SERHL2: variants seen among roughly 807,000 people sequenced by gnomAD.
SERHL2 encodes the protein serine hydrolase-like protein 2.
A neutral mutation model predicts 25.5 loss-of-function variants in SERHL2; 29 were observed. That is an observed-to-expected ratio of 1.14 (90% CI 0.85 to 1.55). The LOEUF is 1.55. Ranked by LOEUF, SERHL2 falls within the 40% of genes most tolerant of loss-of-function variation. The pLI, the probability that SERHL2 is intolerant of heterozygous loss-of-function variation, is 0.00. For synonymous variants in SERHL2, 95 were observed against 103.5 expected (o/e 0.92, Z 0.50); for missense variants, 240 against 252.3 (o/e 0.95, Z 0.33).
At chr22:42,573,653 A>T (rs1306839884) in intron 11 of SERHL2, 2 of 429,134 alleles carry the variant, frequency 4.7e-6, no homozygotes, top group African/African-American at 4.0e-5. Context: ...TGATACAATC[A>T]CAGCAACCCT....
chr22:42,554,020 G>A lies in SERHL2; in HGVS notation c.-1G>A. 6.2e-7 allele frequency: 1 copy of A among 1,613,618 alleles called. No homozygotes were observed. Among genetic ancestry groups the A allele is most frequent in the Non-Finnish European group, 8.5e-7 (1 of 1,179,814 alleles). On this transcript the variant is annotated 5_prime_UTR_variant, in exon 1 of 12. Transcript: ENST00000327678. Reference sequence around the variant, plus strand: ...AGCAGCGCATTCGCGGGACGAGAGCGATGAGTGAGAACGCCGCACCAGGTC... The same window carrying A: ...AGCAGCGCATTCGCGGGACGAGAGCAATGAGTGAGAACGCCGCACCAGGTC...
rs1180611823 is a variant in SERHL2 at position 42,554,313 on chromosome 22, T to C, written c.22+271T>C. On this transcript the variant is annotated intron_variant, in intron 1 of 11. Coordinates refer to ENST00000327678, the MANE Select transcript of SERHL2 (RefSeq NM_014509.5). ...TCGGGGGTGCGCAAGTCTCCAGCCT[T>C]GCAGAGACGGAGGAGGCTGCCAGAT... 3.3e-5 allele frequency among the ~76,000 whole-genome samples: 5 copies of C among 151,664 alleles called. No homozygotes were observed. The South Asian group carries it at 6.3e-4, about 19-fold the overall frequency.
intron 11 of SERHL2, 162 bp from the exon 12 acceptor site, chr22:42,573,774 T>G: frequency 1.4e-6 from 1 of 736,890 alleles, no homozygotes; most frequent in Non-Finnish European, 2.3e-6. Context: ...TGCTATGGAC[T>G]GTCGGGGCTC....
rs75727575 is a variant in SERHL2 at position 42,560,183 on chromosome 22, C to T, written c.534-3C>T. 3.2e-3 allele frequency: 5,187 copies of T among 1,609,946 alleles called. 137 individuals are homozygous for T. The African/African-American group carries it at 0.058, about 18-fold the overall frequency. ...CACCCAGCATCCTTCTGTCTCCCCCCAGGTTACTGAAGAGCAATAGCCACT... is the reference window on the plus strand; with the variant it reads ...CACCCAGCATCCTTCTGTCTCCCCCTAGGTTACTGAAGAGCAATAGCCACT... On this transcript the variant is annotated splice_polypyrimidine_tract_variant and splice_region_variant and intron_variant, in intron 7 of 11. Coordinates refer to ENST00000327678, the MANE Select transcript of SERHL2 (RefSeq NM_014509.5).
At chr22:42,569,200 ATC>A (rs766392875) in intron 9 of SERHL2, 5 of 151,126 alleles carry the variant, frequency 3.3e-5, no homozygotes, top group East Asian at 3.9e-4. Flanking sequence ...CACGCTAATC[ATC>A]TCTTTGTTGT....
intron 8 of SERHL2, chr22:42,565,142 C>A (rs527815702): frequency 3.3e-5 from 5 of 153,124 alleles, no homozygotes; most frequent in African/African-American, 9.7e-5. Flanking sequence ...TACTCGTATA[C>A]CCTTGACCGA....
At position 42,553,993 on chromosome 22, in the gene SERHL2, ACAG is replaced by A; in HGVS notation, c.-23_-21del. ...CGACCTAGCCAGGCGTGAGGGAGTG[ACAG>A]CAGCGCATTCGCGGGACGAGAGCGA... On this transcript the variant is annotated 5_prime_UTR_variant, in exon 1 of 12. Coordinates refer to ENST00000327678, the MANE Select transcript of SERHL2 (RefSeq NM_014509.5). 1.2e-6 allele frequency: 2 copies of A among 1,613,222 alleles called. No homozygotes were observed. Among genetic ancestry groups the A allele is most frequent in the Non-Finnish European group, 1.7e-6 (2 of 1,179,542 alleles).
At chr22:42,573,777 C>A (rs576841288) in intron 11 of SERHL2, 159 bp from the exon 12 acceptor site, 1 of 749,504 alleles carries the variant, frequency 1.3e-6, no homozygotes, top group Non-Finnish European at 2.3e-6. Flanking sequence ...TATGGACTGT[C>A]GGGGCTCCAA....
In SERHL2 at chr22:42,572,428, C is replaced by T. The variant is rs745480230; in HGVS notation, c.732-8C>T. 7.5e-6 allele frequency: 12 copies of T among 1,603,232 alleles called. No individual in the cohort carries two copies. In the South Asian group the frequency reaches 1.2e-4, roughly 16 times the overall value. On this transcript the variant is annotated splice_polypyrimidine_tract_variant and splice_region_variant and intron_variant, in intron 10 of 11. Transcript: ENST00000327678. ...AACCCCAACAACCCCCAACTCCTCACTTTCCAGAGCAGTCCACGGATATTT... is the reference window on the plus strand; with the variant it reads ...AACCCCAACAACCCCCAACTCCTCATTTTCCAGAGCAGTCCACGGATATTT...
intron 9 of SERHL2, among the ~76,000 whole-genome samples, chr22:42,568,590 G>A (rs1923730563): frequency 1.3e-5 from 2 of 151,982 alleles, no homozygotes; most frequent in Admixed American, 6.6e-5. Context: ...GACTTCGTTA[G>A]GACATAAACT....
At chr22:42,566,444 G>A in intron 9 of SERHL2, 106 bp downstream of exon 9, 1 of 1,125,676 alleles carries the variant, frequency 8.9e-7, no homozygotes, top group Non-Finnish European at 1.3e-6. Flanking sequence ...TGTAATCCCA[G>A]CTACTCAGGA....
At chr22:42,567,753 A>G (rs1923609471) in intron 9 of SERHL2, among the ~76,000 whole-genome samples, 1 of 150,248 alleles carries the variant, frequency 6.7e-6, no homozygotes, top group African/African-American at 2.5e-5. Context: ...TTATTGATAC[A>G]GAGTCTCGCT....
chr22:42,573,707 A>C (rs1404405292), intron 11 of SERHL2: 3 of 570,634 alleles, frequency 5.3e-6, no homozygotes, highest in Admixed American at 3.0e-5. Context: ...TTCACAACTC[A>C]GCTGGCCTAG....
chr22:42,559,229 T>TAAAAAAAAAAAAAAAAAAA (rs1194822216), intron 7 of SERHL2, among the ~76,000 whole-genome samples: 4 of 69,314 alleles, frequency 5.8e-5, no homozygotes, highest in East Asian at 1.2e-3. Flanking sequence ...ACCCTGTATT[T>TAAAAAAAAAAAAAAAAAAA]AAAAAAAAAA....
At chr22:42,560,399 C>T (rs1051193658) in intron 8 of SERHL2, 134 bp downstream of exon 8, 2 of 674,520 alleles carry the variant, frequency 3.0e-6, no homozygotes, top group Non-Finnish European at 5.3e-6. Flanking sequence ...CCTCCTGCCT[C>T]ACCCTCATCC....
Position 42,556,699 on chromosome 22 carries a change from G to A in SERHL2, c.423+111G>A, listed in dbSNP as rs1181309998. ...ACTAGGGAAGCACGAGGAGGCGGCA[G>A]AGGGTGGGAAAGGGGAGTCAGGGAC... On this transcript the variant is annotated intron_variant, in intron 6 of 11. Transcript: ENST00000327678. The A allele has an allele frequency of 5.5e-6, 6 of 1,096,176 alleles. No homozygotes were observed. In the African/African-American group the frequency reaches 9.6e-5, roughly 17 times the overall value. 67.9% of individuals were successfully genotyped at this position (1,096,176 alleles called of 1,614,324 possible). A position where few individuals can be genotyped will look rare whatever the true frequency, so the allele number is the denominator to read the frequency against.
intron 8 of SERHL2, chr22:42,563,544 A>G: frequency 3.3e-6 from 1 of 306,936 alleles, no homozygotes; most frequent in Admixed American, 4.0e-5. Context: ...CTGGCCCCTG[A>G]AGCCCCGTGC....
intron 11 of SERHL2, chr22:42,572,775 G>C (rs956247622): frequency 3.0e-5 from 29 of 959,312 alleles, no homozygotes; most frequent in Middle Eastern, 5.3e-4. Flanking sequence ...AGCTACTCTC[G>C]TGCCTCAGCC....
intron 8 of SERHL2, among the ~76,000 whole-genome samples, chr22:42,562,785 C>CT (rs1171106791): frequency 6.6e-6 from 1 of 151,884 alleles, no homozygotes; most frequent in African/African-American, 2.4e-5. Flanking sequence ...ATCTTCTCAT[C>CT]TAAGTTTAAG....
Sources: allele counts gnomAD v4.1 joint callset (sites outside exome capture counted in the v4.1 genomes callset), GRCh38; gene constraint gnomAD v4.1.1; transcripts MANE v1.5; gene names NCBI Gene and HGNC (gene_info 2026-07-23, HGNC 2026-07-21).